The following CACNA2D1 variants were observed in gnomAD, a reference collection of about 807,000 sequenced individuals.
CACNA2D1 encodes calcium voltage-gated channel auxiliary subunit alpha2delta 1.
In CACNA2D1, 53 loss-of-function variants were observed where a neutral mutation model predicts 171.5. The observed-to-expected ratio is 0.31, with a 90% CI of 0.25 to 0.39. The LOEUF is 0.39. Among genes scored for constraint, CACNA2D1 ranks in the 10% least tolerant of loss-of-function variants. CACNA2D1 has a pLI of 1.00. For missense variants in CACNA2D1, 903 were observed against 1,299.8 expected, an observed-to-expected ratio of 0.69 and a Z score of 4.69; for synonymous variants, 442 against 443.1, an observed-to-expected ratio of 1.00 and a Z score of 0.03.
chr7:82,335,059 C>T (rs1787643565), intron 3 of CACNA2D1, 76 bp downstream of exon 3: 1 of 955,800 alleles, frequency 1.0e-6, no homozygotes. Context: ...TACCAAAACC[C>T]CTCAATAGAG....
At chr7:81,975,415 C>T (rs37077) in intron 24 of CACNA2D1, among the ~76,000 whole-genome samples, 109,198 of 152,004 alleles carry the variant, frequency 0.72, 39,313 homozygotes, top group Non-Finnish European at 0.75. Flanking sequence ...AGAAGACAAG[C>T]ATGTCTCTGC....
chr7:82,420,226 A>T (rs1004931254), intron 1 of CACNA2D1, among the ~76,000 whole-genome samples: 5 of 152,200 alleles, frequency 3.3e-5, no homozygotes, highest in African/African-American at 1.2e-4. Context: ...CAAAATTATG[A>T]ATTGTCACCA....
At chr7:82,162,980 C>G (rs1396397400) in intron 4 of CACNA2D1, among the ~76,000 whole-genome samples, 1 of 151,958 alleles carries the variant, frequency 6.6e-6, no homozygotes, top group African/African-American at 2.4e-5. Flanking sequence ...TCAGGCCAGG[C>G]CTTCGAGTCC....
intron 4 of CACNA2D1, 85 bp downstream of exon 4, chr7:82,170,465 A>G (rs1302918826): frequency 2.0e-6 from 2 of 978,100 alleles, no homozygotes; most frequent in Admixed American, 1.7e-5. Context: ...AGATTCCATC[A>G]TTAAAATATA....
chr7:82,146,503 TATAA>T (rs1483809495), intron 4 of CACNA2D1, among the ~76,000 whole-genome samples: 3 of 143,574 alleles, frequency 2.1e-5, no homozygotes, highest in Admixed American at 7.1e-5. Context: ...TTTATATATA[TATAA>T]AGATATATAT....
At chr7:82,248,292 G>A (rs1805172820) in intron 3 of CACNA2D1, among the ~76,000 whole-genome samples, 3 of 152,188 alleles carry the variant, frequency 2.0e-5, no homozygotes, top group Admixed American at 1.3e-4. Context: ...TCTCTGTGAC[G>A]GTTCTTTTCC....
chr7:82,371,524 C>T (rs1383199695), intron 1 of CACNA2D1, among the ~76,000 whole-genome samples: 1 of 152,140 alleles, frequency 6.6e-6, no homozygotes, highest in African/African-American at 2.4e-5. Context: ...AGAGTTCGAG[C>T]TTAAGGCTGA....
chr7:81,961,713 T>C (rs566961113), intron 36 of CACNA2D1, among the ~76,000 whole-genome samples, 181 bp downstream of exon 36: 21 of 152,024 alleles, frequency 1.4e-4, no homozygotes, highest in Non-Finnish European at 2.6e-4. Flanking sequence ...TTTAAAAGTC[T>C]ACAGAGAAAC....
chr7:82,076,377 T>G (rs936718763), intron 7 of CACNA2D1, among the ~76,000 whole-genome samples: 2 of 152,144 alleles, frequency 1.3e-5, no homozygotes, highest in Admixed American at 6.6e-5. Context: ...CCTCAAACTT[T>G]ACTGTTCTAA....
intron 3 of CACNA2D1, among the ~76,000 whole-genome samples, chr7:82,295,873 T>C (rs905169230): frequency 1.3e-5 from 2 of 151,952 alleles, no homozygotes; most frequent in African/African-American, 2.4e-5. Context: ...TGTCCAACAA[T>C]GATAGACTGG....
At chr7:82,072,025 T>C (rs184150478) in intron 7 of CACNA2D1, among the ~76,000 whole-genome samples, 5 of 152,300 alleles carry the variant, frequency 3.3e-5, no homozygotes, top group Admixed American at 2.6e-4. Context: ...AAGCACTGAT[T>C]TACCTATTCG....
At chr7:82,017,354 C>T (rs1391624256) in intron 12 of CACNA2D1, among the ~76,000 whole-genome samples, 1 of 152,040 alleles carries the variant, frequency 6.6e-6, no homozygotes, top group East Asian at 1.9e-4. Context: ...TTTCTTTGTA[C>T]ATTTTAGCTA....
At position 82,093,917 on chromosome 7, in the gene CACNA2D1, A is replaced by T. The variant is rs908109605; in HGVS notation, c.527-9017T>A. Among the ~76,000 whole-genome samples the T allele has an allele frequency of 5.3e-5, 8 of 152,292 alleles. No individual in the cohort carries two copies. In the East Asian group the frequency reaches 1.5e-3, roughly 29 times the overall value. ...GGAAATCTCTTGGCTTTGCTGTGAGACTGCCCAACTGCATAAGAAATTTAG... is the reference window on the plus strand; with the variant it reads ...GGAAATCTCTTGGCTTTGCTGTGAGTCTGCCCAACTGCATAAGAAATTTAG... On this transcript the variant is annotated intron_variant, in intron 6 of 38. Coordinates refer to ENST00000356860, the MANE Select transcript of CACNA2D1 (RefSeq NM_000722.4).
At chr7:82,141,990 C>T (rs1792450815) in intron 4 of CACNA2D1, among the ~76,000 whole-genome samples, 1 of 152,070 alleles carries the variant, frequency 6.6e-6, no homozygotes, top group Admixed American at 6.6e-5. Context: ...TATCCTTCAG[C>T]CTAAATGTCT....
chr7:82,354,593 C>G (rs973392991), intron 1 of CACNA2D1, among the ~76,000 whole-genome samples: 1 of 151,972 alleles, frequency 6.6e-6, no homozygotes, highest in Non-Finnish European at 1.5e-5. Context: ...GAAGGAGGAC[C>G]AGTTATCTGT....
At chr7:82,074,225 T>C (rs983838629) in intron 7 of CACNA2D1, among the ~76,000 whole-genome samples, 2 of 152,072 alleles carry the variant, frequency 1.3e-5, no homozygotes, top group East Asian at 3.9e-4. Flanking sequence ...CACATCACTT[T>C]TATTACTTTT....
intron 1 of CACNA2D1, among the ~76,000 whole-genome samples, chr7:82,416,218 AAAT>A (rs559669190): frequency 5.3e-5 from 8 of 151,498 alleles, no homozygotes; most frequent in African/African-American, 1.9e-4. Context: ...CTGTCTCAAA[AAAT>A]AATAATAATA....
intron 1 of CACNA2D1, among the ~76,000 whole-genome samples, chr7:82,420,678 G>C (rs1585900080): frequency 6.6e-6 from 1 of 152,190 alleles, no homozygotes; most frequent in Admixed American, 6.5e-5. Context: ...AGGAATAATT[G>C]CTTTAAATGT....
At chr7:82,153,627 G>A (rs10227705) in intron 4 of CACNA2D1, among the ~76,000 whole-genome samples, 91,735 of 151,798 alleles carry the variant, frequency 0.6, 28,332 homozygotes, top group East Asian at 0.75. Flanking sequence ...TCATGACTAC[G>A]AATTCCAATG....
Sources: gnomAD v4.1 joint callset for allele counts (sites outside exome capture counted in the v4.1 genomes callset) on GRCh38, gnomAD v4.1.1 for gene constraint, MANE v1.5 for transcripts, NCBI Gene and HGNC (gene_info 2026-07-23, HGNC 2026-07-21) for gene names.